The following PARN variants were observed in gnomAD, a reference collection of about 807,000 sequenced individuals.
PARN encodes poly(A)-specific ribonuclease, also known as poly(A)-specific ribonuclease PARN.
In PARN, 71 loss-of-function variants were observed where a neutral mutation model predicts 102.8. That is an observed-to-expected ratio of 0.69 (90% CI 0.57 to 0.84). The LOEUF (loss-of-function observed/expected upper bound fraction) is 0.84, where lower values mean the gene tolerates loss of function less well. Among genes scored for constraint, PARN ranks in the 40% least tolerant of loss-of-function variants. The pLI, the probability that PARN is intolerant of heterozygous loss-of-function variation, is 0.00. For synonymous variants in PARN, 261 were observed against 252.9 expected (o/e 1.03, Z -0.30); for missense variants, 782 against 760.9 (o/e 1.03, Z -0.33).
intron 21 of PARN, among the ~76,000 whole-genome samples, chr16:14,529,761 T>C (rs1195623945): frequency 6.6e-6 from 1 of 152,132 alleles, no homozygotes; most frequent in Non-Finnish European, 1.5e-5. Context: ...ATCATCCTCT[T>C]ATGGAGCCCA....
intron 21 of PARN, among the ~76,000 whole-genome samples, chr16:14,504,058 A>G (rs891917070): frequency 1.3e-5 from 2 of 152,188 alleles, no homozygotes; most frequent in Non-Finnish European, 2.9e-5. Context: ...TCTAAACGAG[A>G]AGGGGCTTAG....
intron 21 of PARN, among the ~76,000 whole-genome samples, chr16:14,550,607 C>A (rs1286588792): frequency 6.6e-6 from 1 of 152,100 alleles, no homozygotes; most frequent in Non-Finnish European, 1.5e-5. Flanking sequence ...CTGCAACAGT[C>A]AGATAATGAA....
intron 14 of PARN, 36 bp from the exon 15 acceptor site, chr16:14,584,827 T>C: frequency 8.5e-7 from 1 of 1,170,084 alleles, no homozygotes; most frequent in Non-Finnish European, 1.2e-6. Flanking sequence ...ACAAAATGTA[T>C]ATCAATGTTT....
intron 21 of PARN, among the ~76,000 whole-genome samples, chr16:14,495,884 A>G (rs2151617660): frequency 6.6e-6 from 1 of 152,258 alleles, no homozygotes; most frequent in South Asian, 2.1e-4. Flanking sequence ...CGCACCTGGA[A>G]GTTCACTGTT....
intron 21 of PARN, among the ~76,000 whole-genome samples, chr16:14,503,413 G>C (rs988744394): frequency 6.6e-6 from 1 of 151,650 alleles, no homozygotes; most frequent in African/African-American, 2.4e-5. Flanking sequence ...AAAGGTGATA[G>C]AAACGCACGT....
Position 14,437,639 on chromosome 16 carries a change from G to A in PARN, c.1865-867C>T, listed in dbSNP as rs369875794. Among the ~76,000 whole-genome samples, 93 of 152,302 alleles carry A rather than the reference G, an allele frequency of 6.1e-4. 4 individuals are homozygous for A. In the South Asian group the frequency reaches 0.017, roughly 28 times the overall value. On this transcript the variant is annotated intron_variant, in intron 23 of 23. Coordinates refer to ENST00000437198, the MANE Select transcript of PARN (RefSeq NM_002582.4). ...ATGTTCATAATGGAAAGTGTGGCCCGACCAGGCGTCAGCTGCACAAGTGGT... is the reference window on the plus strand; with the variant it reads ...ATGTTCATAATGGAAAGTGTGGCCCAACCAGGCGTCAGCTGCACAAGTGGT...
chr16:14,444,400 G>A (rs1405489214), intron 23 of PARN, among the ~76,000 whole-genome samples: 2 of 151,120 alleles, frequency 1.3e-5, no homozygotes, highest in Non-Finnish European at 2.9e-5. Context: ...ACTGTCAATG[G>A]GAGGAAAAAA....
intron 21 of PARN, among the ~76,000 whole-genome samples, chr16:14,514,812 G>A (rs1180214209): frequency 6.6e-6 from 1 of 152,234 alleles, no homozygotes; most frequent in Non-Finnish European, 1.5e-5. Context: ...GGAGGAAGCA[G>A]TGAGTGAAAA....
At chr16:14,546,536 C>T (rs1966956452) in intron 21 of PARN, among the ~76,000 whole-genome samples, 1 of 152,168 alleles carries the variant, frequency 6.6e-6, no homozygotes, top group Admixed American at 6.5e-5. Flanking sequence ...TAAAAAGTTT[C>T]TTACAGTATC....
intron 18 of PARN, among the ~76,000 whole-genome samples, chr16:14,579,402 T>C (rs538154110): frequency 3.3e-5 from 5 of 152,282 alleles, no homozygotes; most frequent in African/African-American, 4.8e-5. Context: ...CTGACTTTAG[T>C]GGAGAAGCAG....
At chr16:14,512,176 T>G (rs1324143031) in intron 21 of PARN, among the ~76,000 whole-genome samples, 1 of 152,204 alleles carries the variant, frequency 6.6e-6, no homozygotes, top group African/African-American at 2.4e-5. Context: ...GAGAACTCCT[T>G]GACTTGTCAT....
intron 18 of PARN, among the ~76,000 whole-genome samples, chr16:14,579,982 C>CA (rs534284469): frequency 0.021 from 2,354 of 114,112 alleles, 23 homozygotes; most frequent in Non-Finnish European, 0.027. Flanking sequence ...GACACCATCT[C>CA]AAAAAAAAAA....
intron 21 of PARN, among the ~76,000 whole-genome samples, chr16:14,509,961 A>T (rs1965095335): frequency 6.6e-6 from 1 of 152,190 alleles, no homozygotes; most frequent in African/African-American, 2.4e-5. Flanking sequence ...TACTCCTAAC[A>T]ATTATCTTTC....
At chr16:14,591,295 G>A (rs1970178943) in intron 13 of PARN, among the ~76,000 whole-genome samples, 1 of 152,036 alleles carries the variant, frequency 6.6e-6, no homozygotes, top group Non-Finnish European at 1.5e-5. Flanking sequence ...GGAGGCTGAG[G>A]CCGGGGAAAC....
chr16:14,587,963 A>C (rs1336265348), intron 13 of PARN, among the ~76,000 whole-genome samples: 1 of 152,258 alleles, frequency 6.6e-6, no homozygotes, highest in Non-Finnish European at 1.5e-5. Flanking sequence ...ACGCACTTAC[A>C]CAACAAAATG....
intron 13 of PARN, among the ~76,000 whole-genome samples, chr16:14,590,545 G>A (rs1970129710): frequency 6.7e-6 from 1 of 150,154 alleles, no homozygotes; most frequent in Non-Finnish European, 1.5e-5. Flanking sequence ...TGAGGAAGGA[G>A]AGTCGCTTGA....
intron 5 of PARN, among the ~76,000 whole-genome samples, 172 bp downstream of exon 5, chr16:14,626,934 C>T (rs1972710418): frequency 6.6e-6 from 1 of 152,090 alleles, no homozygotes; most frequent in African/African-American, 2.4e-5. Flanking sequence ...ATTCATTCTA[C>T]AGCAAAGGAG....
At position 14,482,671 on chromosome 16, in the gene PARN, T is replaced by C. The variant is rs752082579; in HGVS notation, c.1637A>G (p.Tyr546Cys). The C allele has an allele frequency of 1.4e-5, 23 of 1,613,110 alleles. No individual in the cohort carries two copies. The East Asian group carries it at 4.5e-4, about 31-fold the overall frequency. Residue 546 changes from tyrosine (Y) to cysteine (C), a missense_variant, in exon 22 of 24, where the codon TAC (tyrosine) becomes TGC (cysteine). Transcript: ENST00000437198. The stretch of plus-strand genomic sequence containing the variant: ...GCGGTAATAGTGATTCTGCAGGGTG[T>C]AGGGTATGCACTGGGGGTTTAACCG... ...SKRLNPQCIP[Y>C]TLQNHYYRNN...
At chr16:14,471,243 G>C (rs1397688489) in intron 22 of PARN, among the ~76,000 whole-genome samples, 3 of 152,088 alleles carry the variant, frequency 2.0e-5, no homozygotes, top group African/African-American at 7.2e-5. Context: ...CCATACAACA[G>C]GTGAGACGAG....
Sources: gnomAD v4.1 joint callset for allele counts (sites outside exome capture counted in the v4.1 genomes callset) on GRCh38, gnomAD v4.1.1 for gene constraint, MANE v1.5 for transcripts, NCBI Gene and HGNC (gene_info 2026-07-23, HGNC 2026-07-21) for gene names.